The following NAA50 variants were observed in gnomAD, a reference collection of about 807,000 sequenced individuals.
NAA50 encodes the protein N-alpha-acetyltransferase 50, NatE catalytic subunit, also known as N-alpha-acetyltransferase 50.
In NAA50, 7 loss-of-function variants were observed where a neutral mutation model predicts 20.7. That is an observed-to-expected ratio of 0.34 (90% CI 0.19 to 0.63). The LOEUF (loss-of-function observed/expected upper bound fraction) is 0.63, where lower values mean the gene tolerates loss of function less well. Among genes scored for constraint, NAA50 ranks in the 30% least tolerant of loss-of-function variants. The pLI, the probability that NAA50 is intolerant of heterozygous loss-of-function variation, is 0.75. For synonymous variants in NAA50, 54 were observed against 70.6 expected (o/e 0.77, Z 1.18); for missense variants, 111 against 199.1 (o/e 0.56, Z 2.66).
intron 1 of NAA50, among the ~76,000 whole-genome samples, chr3:113,726,963 T>C (rs1283511956): frequency 6.6e-6 from 1 of 152,216 alleles, no homozygotes; most frequent in African/African-American, 2.4e-5. Flanking sequence ...AGCTGATTTT[T>C]GAATTTTTTG....
intron 1 of NAA50, among the ~76,000 whole-genome samples, chr3:113,735,629 T>C (rs1255849111): frequency 1.3e-5 from 2 of 152,226 alleles, no homozygotes; most frequent in African/African-American, 4.8e-5. Context: ...AAGACACAAA[T>C]TGCCAGCCTA....
intron 1 of NAA50, among the ~76,000 whole-genome samples, chr3:113,742,643 G>C (rs573346038): frequency 3.3e-5 from 5 of 152,082 alleles, no homozygotes; most frequent in African/African-American, 4.8e-5. Flanking sequence ...ACCACTGTTC[G>C]GAGTTTTTAA....
chr3:113,723,289 C>T, intron 3 of NAA50, 133 bp downstream of exon 3: 1 of 888,362 alleles, frequency 1.1e-6, no homozygotes. Flanking sequence ...TATTTTTCAC[C>T]ATATTTTACA....
At chr3:113,738,035 ACT>A (rs1708369008) in intron 1 of NAA50, among the ~76,000 whole-genome samples, 1 of 151,912 alleles carries the variant, frequency 6.6e-6, no homozygotes, top group Non-Finnish European at 1.5e-5. Flanking sequence ...CAAAACCCTG[ACT>A]CTATTTCTTT....
rs147597022 is a variant in NAA50 at position 113,740,473 on chromosome 3, T to C, written c.8+5469A>G. On this transcript the variant is annotated intron_variant, in intron 1 of 4. Coordinates refer to ENST00000240922, the MANE Select transcript of NAA50 (RefSeq NM_025146.4). Reference sequence around the variant, plus strand: ...CTTCAACCTCCTAAGCTCAAGTGATTTTCCCAACTTGACTTCCCAAGTAGC... The same window carrying C: ...CTTCAACCTCCTAAGCTCAAGTGATCTTCCCAACTTGACTTCCCAAGTAGC... Among the ~76,000 whole-genome samples the C allele has an allele frequency of 5.6e-4, 86 of 152,226 alleles. 1 individual carries two copies. The East Asian group carries it at 0.014, about 24-fold the overall frequency.
intron 1 of NAA50, 73 bp downstream of exon 1, chr3:113,745,869 G>A (rs1397270063): frequency 4.6e-6 from 7 of 1,522,952 alleles, no homozygotes; most frequent in Admixed American, 2.0e-5. Flanking sequence ...TCGCCTTTGC[G>A]GCTCTCCCCC....
chr3:113,737,384 G>A (rs552374091), intron 1 of NAA50, among the ~76,000 whole-genome samples: 27 of 152,230 alleles, frequency 1.8e-4, no homozygotes, highest in African/African-American at 6.5e-4. Context: ...TGATTCCTCT[G>A]GAAAATAAAT....
At chr3:113,743,900 T>C (rs1708455170) in intron 1 of NAA50, among the ~76,000 whole-genome samples, 1 of 152,192 alleles carries the variant, frequency 6.6e-6, no homozygotes, top group Non-Finnish European at 1.5e-5. Flanking sequence ...CAAGGTAGAT[T>C]GTGAATAATA....
Position 113,744,143 on chromosome 3 carries a change from G to T in NAA50, c.8+1799C>A, listed in dbSNP as rs140416395. On this transcript the variant is annotated intron_variant, in intron 1 of 4. Coordinates refer to ENST00000240922, the MANE Select transcript of NAA50 (RefSeq NM_025146.4). Reference sequence around the variant, plus strand: ...TGCCTGACAATGAGTACAAAAATGAGTAAGAGTCAGCAACCATGTTCAAGA... The same window carrying T: ...TGCCTGACAATGAGTACAAAAATGATTAAGAGTCAGCAACCATGTTCAAGA... Among the ~76,000 whole-genome samples, 13 of 152,224 alleles carry T rather than the reference G, an allele frequency of 8.5e-5. No individual in the cohort carries two copies. The East Asian group carries it at 2.3e-3, about 27-fold the overall frequency.
At chr3:113,733,517 G>T (rs1708297153) in intron 1 of NAA50, among the ~76,000 whole-genome samples, 1 of 151,962 alleles carries the variant, frequency 6.6e-6, no homozygotes, top group Admixed American at 6.5e-5. Context: ...ATAAGGTATT[G>T]TAATTGTTTA....
intron 1 of NAA50, among the ~76,000 whole-genome samples, chr3:113,743,938 A>C (rs889766076): frequency 3.3e-5 from 5 of 152,230 alleles, no homozygotes; most frequent in African/African-American, 4.8e-5. Context: ...TTCTATCGCC[A>C]AGTTATGTAT....
At chr3:113,728,285 AAT>A (rs1708225987) in intron 1 of NAA50, among the ~76,000 whole-genome samples, 1 of 152,224 alleles carries the variant, frequency 6.6e-6, no homozygotes, top group Admixed American at 6.5e-5. Context: ...TTATGAACAT[AAT>A]AGAGTTGCCT....
chr3:113,741,456 T>C (rs191164562), intron 1 of NAA50, among the ~76,000 whole-genome samples: 656 of 152,262 alleles, frequency 4.3e-3, no homozygotes, highest in Middle Eastern at 0.01. Context: ...TTCTATTGGT[T>C]ACTGCAGGCT....
chr3:113,727,133 C>T (rs1708208967), intron 1 of NAA50, among the ~76,000 whole-genome samples: 1 of 152,206 alleles, frequency 6.6e-6, no homozygotes, highest in African/African-American at 2.4e-5. Flanking sequence ...TGACAGGGAT[C>T]ACATCTTACC....
rs1156287030 is a variant in NAA50, at chr3:113,718,435, T to G, written c.*3325A>C. 6.6e-6 allele frequency: 1 copy of G among 152,164 alleles called. No individual in the cohort carries two copies. Among genetic ancestry groups the G allele is most frequent in the East Asian group, 1.9e-4 (1 of 5,204 alleles). The allele number at this position is 152,164 out of a possible 1,614,324, so 9.4% of individuals were successfully genotyped here. Reference sequence around the variant, plus strand: ...TGTTGTTTTAAACTACAGTAATAACTGAGACACACTAGACAAGGATCACTC... The same window carrying G: ...TGTTGTTTTAAACTACAGTAATAACGGAGACACACTAGACAAGGATCACTC... On this transcript the variant is annotated 3_prime_UTR_variant, in exon 5 of 5. Transcript: ENST00000240922.
At chr3:113,745,881 C>T in intron 1 of NAA50, 61 bp downstream of exon 1, 1 of 1,571,798 alleles carries the variant, frequency 6.4e-7, no homozygotes. Flanking sequence ...CTCTCCCCCT[C>T]TACATGGGCC....
intron 1 of NAA50, among the ~76,000 whole-genome samples, chr3:113,740,402 C>T (rs555873408): frequency 1.3e-5 from 2 of 152,290 alleles, no homozygotes; most frequent in Admixed American, 6.5e-5. Flanking sequence ...CCCTCTGTCA[C>T]CCAGGCTAGA....
chr3:113,734,066 T>C (rs1412689994), intron 1 of NAA50, among the ~76,000 whole-genome samples: 1 of 152,124 alleles, frequency 6.6e-6, no homozygotes, highest in African/African-American at 2.4e-5. Flanking sequence ...TTCTACTGTT[T>C]CATTTCATAA....
chr3:113,725,725 A>C (rs1363879033), intron 1 of NAA50, among the ~76,000 whole-genome samples: 1 of 152,198 alleles, frequency 6.6e-6, no homozygotes, highest in African/African-American at 2.4e-5. Context: ...ATGATTGTGT[A>C]CCATTGCATT....
Sources: gnomAD v4.1 joint callset for allele counts (sites outside exome capture counted in the v4.1 genomes callset) on GRCh38, gnomAD v4.1.1 for gene constraint, MANE v1.5 for transcripts, NCBI Gene and HGNC (gene_info 2026-07-23, HGNC 2026-07-21) for gene names.